The following LRRC72 variants were observed in gnomAD, a reference collection of about 807,000 sequenced individuals.
LRRC72 encodes the protein leucine rich repeat containing 72.
In LRRC72, 41 loss-of-function variants were observed where a neutral mutation model predicts 35.8. The observed-to-expected ratio is 1.15, with a 90% CI of 0.89 to 1.49. The LOEUF is 1.49. Ranked by LOEUF, LRRC72 falls within the 40% of genes most tolerant of loss-of-function variation. LRRC72 has a pLI of 0.00. For synonymous variants in LRRC72, 118 were observed against 119.2 expected, an observed-to-expected ratio of 0.99 and a Z score of 0.07; for missense variants, 389 against 330.7, an observed-to-expected ratio of 1.18 and a Z score of -1.37.
chr7:16,526,889 C>A lies in LRRC72; in HGVS notation c.-64C>A. On this transcript the variant is annotated 5_prime_UTR_variant, in exon 1 of 9. Coordinates refer to ENST00000401542, the MANE Select transcript of LRRC72 (RefSeq NM_001195280.2). ...GAGCTGTGCACCAAGCCAAGTCTCTCTTCGGTGCCACCGGCGGGCGAGGCC... is the reference window on the plus strand; with the variant it reads ...GAGCTGTGCACCAAGCCAAGTCTCTATTCGGTGCCACCGGCGGGCGAGGCC... 2.2e-6 allele frequency: 3 copies of A among 1,342,702 alleles called. No homozygotes were observed. Among genetic ancestry groups the A allele is most frequent in the South Asian group, 2.5e-5 (2 of 80,180 alleles). The allele number at this position is 1,342,702 out of a possible 1,614,324, so 83.2% of individuals were successfully genotyped here.
chr7:16,539,387 C>T (rs1170054515), intron 3 of LRRC72, among the ~76,000 whole-genome samples: 1 of 152,186 alleles, frequency 6.6e-6, no homozygotes, highest in East Asian at 1.9e-4. Flanking sequence ...CAAGACATAA[C>T]CTGGCTGATT....
At position 16,537,657 on chromosome 7, in the gene LRRC72, G is replaced by C; in HGVS notation, c.195G>C (p.Arg65Ser). 1.3e-6 allele frequency: 2 copies of C among 1,526,382 alleles called. No homozygotes were observed. The highest frequency in any genetic ancestry group is 2.8e-5 in the African/African-American group (2 of 71,916). The allele number at this position is 1,526,382 out of a possible 1,614,324, so 94.6% of individuals were successfully genotyped here. A position where few individuals can be genotyped will look rare whatever the true frequency, so the allele number is the denominator to read the frequency against. ...TGACAGAGGTCATTGATCTTTCTAGGTTTAAAAAATTAAAATACTTATGGC... is the reference window on the plus strand; with the variant it reads ...TGACAGAGGTCATTGATCTTTCTAGCTTTAAAAAATTAAAATACTTATGGC... ...KELTEVIDLS[R>S]FKKLKYLWLH... The change falls in exon 3 of 9, where the codon AGG becomes AGC. Residue 65 changes from arginine to serine, a missense_variant. Coordinates refer to ENST00000401542, the MANE Select transcript of LRRC72 (RefSeq NM_001195280.2).
intron 5 of LRRC72, 129 bp from the exon 6 acceptor site, chr7:16,566,184 C>A: frequency 1.8e-6 from 1 of 558,960 alleles, no homozygotes; most frequent in Non-Finnish European, 3.0e-6. Flanking sequence ...GGGTCTATTG[C>A]TTGATATGGA....
chr7:16,573,635 C>T (rs1782987158), intron 7 of LRRC72, among the ~76,000 whole-genome samples: 1 of 152,178 alleles, frequency 6.6e-6, no homozygotes, highest in African/African-American at 2.4e-5. Flanking sequence ...CTTCCTTACA[C>T]TTTATACAAA....
intron 3 of LRRC72, among the ~76,000 whole-genome samples, chr7:16,537,986 A>G (rs933218048): frequency 7.2e-5 from 11 of 152,164 alleles, no homozygotes; most frequent in African/African-American, 2.4e-4. Flanking sequence ...AGCTATTCCT[A>G]CTTGGGCTCC....
chr7:16,531,527 A>C (rs1782164917), intron 1 of LRRC72, among the ~76,000 whole-genome samples: 1 of 152,222 alleles, frequency 6.6e-6, no homozygotes, highest in African/African-American at 2.4e-5. Flanking sequence ...AAAATTTCAT[A>C]TATCACCCAG....
intron 5 of LRRC72, among the ~76,000 whole-genome samples, chr7:16,561,381 A>C (rs1782741607): frequency 6.6e-6 from 1 of 152,190 alleles, no homozygotes; most frequent in South Asian, 2.1e-4. Flanking sequence ...AGTTATGCCC[A>C]TAGTAATAAA....
intron 8 of LRRC72, among the ~76,000 whole-genome samples, chr7:16,580,510 G>A (rs1020625821): frequency 6.6e-6 from 1 of 152,088 alleles, no homozygotes; most frequent in Non-Finnish European, 1.5e-5. Context: ...CTGGCATGGT[G>A]GCAGGCGCCT....
intron 1 of LRRC72, among the ~76,000 whole-genome samples, chr7:16,531,010 A>G (rs1782151554): frequency 6.6e-6 from 1 of 152,042 alleles, no homozygotes; most frequent in Non-Finnish European, 1.5e-5. Flanking sequence ...CAGCCTGGCC[A>G]ACATGGTGAA....
chr7:16,529,751 G>A (rs554757093), intron 1 of LRRC72, among the ~76,000 whole-genome samples: 4 of 152,252 alleles, frequency 2.6e-5, no homozygotes, highest in African/African-American at 9.6e-5. Flanking sequence ...TACATATTAT[G>A]CTGATACATT....
intron 3 of LRRC72, among the ~76,000 whole-genome samples, chr7:16,550,044 C>T (rs1045693706): frequency 5.9e-5 from 9 of 152,060 alleles, no homozygotes; most frequent in African/African-American, 2.2e-4. Flanking sequence ...CATAGTCAGA[C>T]CACATCTCTA....
intron 1 of LRRC72, among the ~76,000 whole-genome samples, chr7:16,527,428 A>T (rs1304680161): frequency 2.0e-5 from 3 of 151,660 alleles, no homozygotes; most frequent in African/African-American, 7.3e-5. Flanking sequence ...GATTAAGTAA[A>T]TTTCGCAGTC....
intron 7 of LRRC72, among the ~76,000 whole-genome samples, chr7:16,572,063 G>A (rs1782955840): frequency 6.6e-6 from 1 of 152,146 alleles, no homozygotes; most frequent in South Asian, 2.1e-4. Context: ...CCCTCACAGT[G>A]TTAACAAAGC....
chr7:16,570,736 C>G (rs1426143073), intron 7 of LRRC72, among the ~76,000 whole-genome samples: 1 of 152,136 alleles, frequency 6.6e-6, no homozygotes, highest in Non-Finnish European at 1.5e-5. Context: ...ATGAGAATCG[C>G]TTGAACCCAG....
intron 3 of LRRC72, among the ~76,000 whole-genome samples, chr7:16,554,794 T>C (rs771526133): frequency 1.2e-4 from 19 of 152,188 alleles, no homozygotes; most frequent in Non-Finnish European, 2.1e-4. Context: ...AAAACCATGA[T>C]TCTATAATCA....
At chr7:16,568,462 A>C (rs1241345414) in intron 7 of LRRC72, among the ~76,000 whole-genome samples, 1 of 152,236 alleles carries the variant, frequency 6.6e-6, no homozygotes, top group East Asian at 1.9e-4. Flanking sequence ...AAAGCAATAG[A>C]AGATATGAAT....
At chr7:16,579,096 T>C (rs1783095842) in intron 7 of LRRC72, among the ~76,000 whole-genome samples, 1 of 152,096 alleles carries the variant, frequency 6.6e-6, no homozygotes, top group Admixed American at 6.6e-5. Flanking sequence ...ACTAAGAGAG[T>C]AGATCTTAAG....
At position 16,572,569 on chromosome 7, in the gene LRRC72, T is replaced by C. The variant is rs557327508; in HGVS notation, c.670+5026T>C. ...GACAAAAACCACATGATTATCTCAATAGATGCAAAAAGGCCTTCAATAAAA... is the reference window on the plus strand; with the variant it reads ...GACAAAAACCACATGATTATCTCAACAGATGCAAAAAGGCCTTCAATAAAA... On this transcript the variant is annotated intron_variant, in intron 7 of 8. Transcript: ENST00000401542. Among the ~76,000 whole-genome samples the C allele has an allele frequency of 3.9e-5, 6 of 152,288 alleles. No individual in the cohort carries two copies. In the East Asian group the frequency reaches 1.2e-3, roughly 29 times the overall value.
chr7:16,532,380 C>G, intron 1 of LRRC72, 115 bp from the exon 2 acceptor site: 1 of 699,486 alleles, frequency 1.4e-6, no homozygotes. Context: ...GAATGGTTAC[C>G]TCCATATTCA....
Sources: allele counts gnomAD v4.1 joint callset (sites outside exome capture counted in the v4.1 genomes callset), GRCh38; gene constraint gnomAD v4.1.1; transcripts MANE v1.5; gene names NCBI Gene and HGNC (gene_info 2026-07-23, HGNC 2026-07-21).